Variants in ZFPM1 observed in about 807,000 individuals in gnomAD.
ZFPM1 encodes zinc finger protein, FOG family member 1, also known as zinc finger protein ZFPM1.
Under a neutral mutation model 46.3 loss-of-function variants are expected in ZFPM1, and 28 were observed. The observed-to-expected ratio is 0.60, with a 90% CI of 0.45 to 0.83. The LOEUF is 0.83. ZFPM1 is among the 40% of genes least tolerant of loss of function. The pLI is 0.00. For missense variants in ZFPM1, 1,878 were observed against 1,432.4 expected (o/e 1.31, Z -5.02); for synonymous variants, 957 against 675.9 (o/e 1.42, Z -6.45).
rs574658126 is a variant in ZFPM1 at position 88,537,003 on chromosome 16, A to G, written c.*2024A>G. 1 of 152,236 alleles carries G rather than the reference A, an allele frequency of 6.6e-6. No homozygotes were observed. Among genetic ancestry groups the G allele is most frequent in the South Asian group, 2.1e-4 (1 of 4,824 alleles). 9.4% of individuals were successfully genotyped at this position (152,236 alleles called of 1,614,324 possible). ...TCACTGTGTGTACATTTAAAAGTAA[A>G]CTGTTTAAAGGTGTCTAGAAACTAC... On this transcript the variant is annotated 3_prime_UTR_variant, in exon 10 of 10. Transcript: ENST00000319555.
intron 1 of ZFPM1, among the ~76,000 whole-genome samples, chr16:88,484,146 A>G (rs34857541): frequency 0.1 from 15,981 of 152,218 alleles, 1,562 homozygotes; most frequent in African/African-American, 0.26. Flanking sequence ...GAAGGAGGAC[A>G]GTGGGGATTC....
chr16:88,526,074 C>T (rs7204894), intron 4 of ZFPM1, among the ~76,000 whole-genome samples: 10,035 of 152,238 alleles, frequency 0.066, 817 homozygotes, highest in African/African-American at 0.19. Context: ...GGGCCAGGGC[C>T]GATCCAACAC....
intron 1 of ZFPM1, among the ~76,000 whole-genome samples, chr16:88,461,350 C>T (rs1907882861): frequency 1.3e-5 from 2 of 152,080 alleles, no homozygotes; most frequent in Non-Finnish European, 2.9e-5. Context: ...GGGGCTTTGC[C>T]CCGCCACCTG....
Position 88,534,497 on chromosome 16 carries a change from G to A in ZFPM1, c.2539G>A (p.Gly847Ser). Residue 847 changes from glycine to serine, a missense_variant, in exon 10 of 10, where the codon GGC (glycine) becomes AGC (serine). By Grantham distance (56) the Gly-to-Ser change is moderately conservative. Transcript: ENST00000319555. ...CTCGTGCCCCGCTGCGCCACCGCCCGGCGCGCTCGGCCTGCCCGCCGCCGC... is the reference window on the plus strand; with the variant it reads ...CTCGTGCCCCGCTGCGCCACCGCCCAGCGCGCTCGGCCTGCCCGCCGCCGC... ...KYSCPAAPPP[G>S]ALGLPAAACP... is the part of the protein sequence containing the mutation. 2 of 1,462,734 alleles carry A rather than the reference G, an allele frequency of 1.4e-6. No individual in the cohort carries two copies. Among genetic ancestry groups the A allele is most frequent in the South Asian group, 1.3e-5 (1 of 78,756 alleles). The allele number at this position is 1,462,734 out of a possible 1,614,324, so 90.6% of individuals were successfully genotyped here.
chr16:88,476,596 G>A (rs1356629176), intron 1 of ZFPM1, among the ~76,000 whole-genome samples: 2 of 152,076 alleles, frequency 1.3e-5, no homozygotes, highest in Admixed American at 6.5e-5. Flanking sequence ...CTTTTGCTCC[G>A]AGATCCCCGG....
At chr16:88,451,931 C>T (rs902818462), upstream of ZFPM1, among the ~76,000 whole-genome samples, 1 of 152,220 alleles carries the variant, frequency 6.6e-6, no homozygotes, top group African/African-American at 2.4e-5. Flanking sequence ...CTGTACCAGG[C>T]TCTGAGGGTA....
intron 1 of ZFPM1, among the ~76,000 whole-genome samples, chr16:88,484,702 T>C (rs12597021): frequency 0.45 from 69,051 of 151,956 alleles, 16,361 homozygotes; most frequent in African/African-American, 0.58. Context: ...CCTGGGGACC[T>C]GGGGAGCAGT....
intron 3 of ZFPM1, among the ~76,000 whole-genome samples, chr16:88,503,879 G>A (rs563164614): frequency 2.2e-4 from 33 of 152,134 alleles, no homozygotes; most frequent in Non-Finnish European, 3.8e-4. Context: ...TGGAGGTGAC[G>A]AGCCTGAAGG....
chr16:88,453,852 T>G (rs1194056588), intron 1 of ZFPM1, among the ~76,000 whole-genome samples, 174 bp downstream of exon 1: 8 of 151,350 alleles, frequency 5.3e-5, no homozygotes, highest in Non-Finnish European at 1.2e-4. Flanking sequence ...GCCGGCGGCC[T>G]GGGCCCCCGC....
chr16:88,490,262 C>T (rs1200909729), intron 3 of ZFPM1, among the ~76,000 whole-genome samples: 2 of 152,132 alleles, frequency 1.3e-5, no homozygotes, highest in African/African-American at 4.8e-5. Flanking sequence ...CCGTGTTAGC[C>T]AGGATGGTCT....
At chr16:88,461,554 C>G (rs1181667204) in intron 1 of ZFPM1, among the ~76,000 whole-genome samples, 1 of 152,176 alleles carries the variant, frequency 6.6e-6, no homozygotes, top group African/African-American at 2.4e-5. Context: ...ACACCTCCTT[C>G]CCGGCTGTTG....
At position 88,471,822 on chromosome 16, in the gene ZFPM1, G is replaced by A. The variant is rs1000715150; in HGVS notation, c.41-14117G>A. The stretch of plus-strand genomic sequence containing the variant: ...GCTGTGTGTCCATCTCTGTGAAATC[G>A]GGGCGAGGCCCCCGCGGGCTGGGAG... On this transcript the variant is annotated intron_variant, in intron 1 of 9. Coordinates refer to ENST00000319555, the MANE Select transcript of ZFPM1 (RefSeq NM_153813.3). The surrounding 1 kb of genome is among the most constrained non-coding windows in gnomAD (Gnocchi z 4.1). Among the ~76,000 whole-genome samples, 5 of 152,246 alleles carry A rather than the reference G, an allele frequency of 3.3e-5. No individual in the cohort carries two copies. Among genetic ancestry groups the A allele is most frequent in the African/African-American group, 4.8e-5 (2 of 41,470 alleles).
At chr16:88,510,533 C>G (rs76791888) in intron 3 of ZFPM1, among the ~76,000 whole-genome samples, 22 of 152,244 alleles carry the variant, frequency 1.4e-4, no homozygotes, top group South Asian at 4.1e-4. Flanking sequence ...CCCAGCACAG[C>G]GTGTTTGTTC....
In ZFPM1 at chr16:88,526,849, C is replaced by G. The variant is rs1912374379; in HGVS notation, c.438C>G (p.Ala146=). 1 of 1,565,296 alleles carries G rather than the reference C, an allele frequency of 6.4e-7. No homozygotes were observed. The highest frequency in any genetic ancestry group is 8.7e-7 in the Non-Finnish European group (1 of 1,155,150). The change falls in exon 5 of 10, where the codon GCC becomes GCG. Residue 146 remains alanine (A), a synonymous_variant. Transcript: ENST00000319555. The part of the protein sequence containing the change: ...PALTLLLVDE[A]CWLRTLPQAL... The stretch of plus-strand genomic sequence containing the variant: ...TGACCCTGCTGCTGGTGGACGAGGC[C>G]TGCTGGCTGAGGACGCTGCCCCAGG...
At chr16:88,524,218 G>A (rs1050626100) in intron 4 of ZFPM1, among the ~76,000 whole-genome samples, 2 of 152,186 alleles carry the variant, frequency 1.3e-5, no homozygotes, top group South Asian at 2.1e-4. Context: ...AGGCCAGGGT[G>A]GGGAGGGCCA....
chr16:88,462,485 G>A (rs2142343732), intron 1 of ZFPM1, among the ~76,000 whole-genome samples: 1 of 152,378 alleles, frequency 6.6e-6, no homozygotes, highest in African/African-American at 2.4e-5. Context: ...GCACACAGTG[G>A]TGCTCTGGCT....
At chr16:88,524,936 C>T (rs539074072) in intron 4 of ZFPM1, among the ~76,000 whole-genome samples, 20 of 152,202 alleles carry the variant, frequency 1.3e-4, no homozygotes, top group African/African-American at 4.8e-4. Flanking sequence ...CCACCCCAGC[C>T]AGGGCACCCA....
intron 3 of ZFPM1, among the ~76,000 whole-genome samples, chr16:88,507,002 G>A (rs11076615): frequency 0.086 from 13,043 of 152,272 alleles, 812 homozygotes; most frequent in African/African-American, 0.16. Context: ...TGAGGGCTAC[G>A]GTCCTGCTGG....
intron 4 of ZFPM1, among the ~76,000 whole-genome samples, chr16:88,519,288 G>GATGC (rs1911623730): frequency 6.6e-6 from 1 of 151,296 alleles, no homozygotes; most frequent in South Asian, 2.1e-4. Context: ...TGGATGGATG[G>GATGC]ATGGATGGGT....
Sources: gnomAD v4.1 joint callset for allele counts (sites outside exome capture counted in the v4.1 genomes callset) on GRCh38, gnomAD v4.1.1 for gene constraint, Gnocchi (gnomAD v3.1) non-coding constraint, MANE v1.5 for transcripts, NCBI Gene and HGNC (gene_info 2026-07-23, HGNC 2026-07-21) for gene names.